CSMD2: variants seen among roughly 807,000 people sequenced by gnomAD.
The protein encoded by CSMD2 is CUB and sushi domain-containing protein 2.
In CSMD2, 130 loss-of-function variants were observed where a neutral mutation model predicts 398.5. That is an observed-to-expected ratio of 0.33 (90% confidence interval 0.28 to 0.38). CSMD2 has a LOEUF of 0.38. Ranked by LOEUF, CSMD2 falls within the 10% of genes least tolerant of loss-of-function variation. The probability of loss-of-function intolerance (pLI) is 1.00; values close to 1 mark genes in which losing one functional copy is unlikely to be tolerated. For missense variants in CSMD2, 3,829 were observed against 4,764.9 expected, an observed-to-expected ratio of 0.80 and a Z score of 5.78; for synonymous variants, 1,828 against 1,908.5, an observed-to-expected ratio of 0.96 and a Z score of 1.10.
chr1:34,064,084 C>T (rs971900556), intron 2 of CSMD2, among the ~76,000 whole-genome samples: 1 of 152,162 alleles, frequency 6.6e-6, no homozygotes, highest in Non-Finnish European at 1.5e-5. Flanking sequence ...TGGGCCCAGC[C>T]CACAAAACCA....
At chr1:33,528,015 C>A (rs1388175246) in intron 64 of CSMD2, among the ~76,000 whole-genome samples, 16 of 151,080 alleles carry the variant, frequency 1.1e-4, no homozygotes. Context: ...GAAGGAAGAA[C>A]TTCTACCCAT....
At chr1:34,045,078 CCCCT>C (rs1652356081) in intron 2 of CSMD2, among the ~76,000 whole-genome samples, 1 of 149,352 alleles carries the variant, frequency 6.7e-6, no homozygotes, top group African/African-American at 2.5e-5. Context: ...CACACACACA[CCCCT>C]ACAAACACAG....
intron 48 of CSMD2, among the ~76,000 whole-genome samples, chr1:33,580,264 C>T (rs1638598612): frequency 6.6e-6 from 1 of 152,146 alleles, no homozygotes; most frequent in Admixed American, 6.5e-5. Flanking sequence ...TCATTATATT[C>T]CCAGGATTAT....
chr1:34,144,612 C>G (rs922540115), intron 1 of CSMD2, among the ~76,000 whole-genome samples: 1 of 152,206 alleles, frequency 6.6e-6, no homozygotes, highest in Admixed American at 6.5e-5. Flanking sequence ...TGCCACATAT[C>G]CAAAGCCATG....
At chr1:33,817,174 T>C (rs1223805546) in intron 9 of CSMD2, among the ~76,000 whole-genome samples, 2 of 152,172 alleles carry the variant, frequency 1.3e-5, no homozygotes, top group Non-Finnish European at 2.9e-5. Context: ...CTAATATCTA[T>C]CTCAGCCCTG....
chr1:33,623,532 C>T, intron 35 of CSMD2, 66 bp from the exon 36 acceptor site: 3 of 1,088,172 alleles, frequency 2.8e-6, no homozygotes, highest in Non-Finnish European at 4.3e-6. Flanking sequence ...CTCTGCTTTC[C>T]CTTTCTGCCC....
At chr1:34,075,664 C>T (rs771554009) in intron 2 of CSMD2, among the ~76,000 whole-genome samples, 3 of 152,178 alleles carry the variant, frequency 2.0e-5, no homozygotes, top group Non-Finnish European at 2.9e-5. Context: ...CCCTATAAAC[C>T]CTCCAATATA....
At position 33,541,137 on chromosome 1, in the gene CSMD2, G is replaced by C. The variant is rs777622039; in HGVS notation, c.9450C>G (p.Val3150=). Reference sequence around the variant, plus strand: ...TTGCAGCCCCAGACACACCTTTGCAGACGGGCTTGGTTCCATTCCATGTCC... The same window carrying C: ...TTGCAGCCCCAGACACACCTTTGCACACGGGCTTGGTTCCATTCCATGTCC... The part of the protein sequence containing the change: ...KDRTWNGTKP[V]CKALMCKPPP... Residue 3150 remains valine (V), a synonymous_variant, in exon 59 of 71, where the codon GTC becomes GTG. Coordinates refer to ENST00000373381, the MANE Select transcript of CSMD2 (RefSeq NM_001281956.2). The C allele has an allele frequency of 1.2e-6, 2 of 1,613,914 alleles. No individual in the cohort carries two copies. The highest frequency in any genetic ancestry group is 1.7e-6 in the Non-Finnish European group (2 of 1,179,916).
chr1:33,824,945 T>A (rs1237352299), intron 7 of CSMD2, among the ~76,000 whole-genome samples: 1 of 152,096 alleles, frequency 6.6e-6, no homozygotes, highest in Non-Finnish European at 1.5e-5. Context: ...TCCCCTGCTT[T>A]TAAGCCCAGT....
At chr1:33,783,484 G>A (rs2149356687) in intron 12 of CSMD2, among the ~76,000 whole-genome samples, 1 of 147,238 alleles carries the variant, frequency 6.8e-6, no homozygotes, top group East Asian at 2.0e-4. Flanking sequence ...TCCTGTGTGT[G>A]CATGCACCCA....
rs745495781 is a variant in CSMD2 at position 33,665,460 on chromosome 1, C to CTTT, written c.4053-2371_4053-2369dup. Among the ~76,000 whole-genome samples the CTTT allele has an allele frequency of 4.4e-3, 322 of 73,932 alleles. 40 individuals are homozygous for CTTT. The highest frequency in any genetic ancestry group is 4.3e-3 in the African/African-American group (77 of 18,114). The allele number at this position is 73,932 out of a possible 152,430, so 48.5% of individuals were successfully genotyped here. A position where few individuals can be genotyped will look rare whatever the true frequency, so the allele number is the denominator to read the frequency against. ...GACTTGTATAGTTTCTTTCTTCTCT[C>CTTT]TTTTTTTTTTTTTTTTTTTTTTTTT... is the stretch of plus-strand genomic sequence containing the variant. On this transcript the variant is annotated intron_variant, in intron 25 of 70. Coordinates refer to ENST00000373381, the MANE Select transcript of CSMD2 (RefSeq NM_001281956.2).
intron 1 of CSMD2, among the ~76,000 whole-genome samples, chr1:34,112,026 C>T (rs1031892961): frequency 6.6e-6 from 1 of 151,860 alleles, no homozygotes; most frequent in South Asian, 2.1e-4. Flanking sequence ...CTCTTTCTCT[C>T]TCTTTCTCTC....
chr1:33,821,612 C>T (rs887253090), intron 7 of CSMD2, among the ~76,000 whole-genome samples: 1 of 152,230 alleles, frequency 6.6e-6, no homozygotes, highest in African/African-American at 2.4e-5. Flanking sequence ...CTCCATTACT[C>T]ACTCACCCAC....
At chr1:33,540,263 TA>T (rs138481254) in intron 60 of CSMD2, among the ~76,000 whole-genome samples, 94 of 145,800 alleles carry the variant, frequency 6.4e-4, no homozygotes, top group Middle Eastern at 3.5e-3. Flanking sequence ...ACCCTTCAGG[TA>T]AAAAAAAAAA....
chr1:33,829,337 T>A (rs561413904), intron 6 of CSMD2, among the ~76,000 whole-genome samples: 1 of 152,298 alleles, frequency 6.6e-6, no homozygotes, highest in African/African-American at 2.4e-5. Context: ...CCAGGAACAT[T>A]AGCATTTTTT....
intron 60 of CSMD2, 64 bp downstream of exon 60, chr1:33,540,461 C>T: frequency 6.4e-7 from 1 of 1,567,422 alleles, no homozygotes; most frequent in South Asian, 1.2e-5. Flanking sequence ...CCACAAAGCT[C>T]CGAGGAGGCA....
intron 24 of CSMD2, among the ~76,000 whole-genome samples, chr1:33,696,715 A>AGAT (rs1202324981): frequency 1.3e-5 from 2 of 152,052 alleles, no homozygotes; most frequent in African/African-American, 2.4e-5. Flanking sequence ...ATGGACAACT[A>AGAT]GATACCTTAC....
intron 10 of CSMD2, among the ~76,000 whole-genome samples, chr1:33,808,838 A>G (rs937605617): frequency 6.6e-6 from 1 of 151,996 alleles, no homozygotes; most frequent in African/African-American, 2.4e-5. Context: ...ACCACTGCCA[A>G]TACCAATTAA....
At chr1:33,602,577 A>G (rs755481752) in intron 42 of CSMD2, 31 bp from the exon 43 acceptor site, 29 of 1,538,634 alleles carry the variant, frequency 1.9e-5, no homozygotes, top group Middle Eastern at 1.9e-4. Flanking sequence ...ACGTAAGTGC[A>G]GGGCCTCGGT....
Sources: allele counts gnomAD v4.1 joint callset (sites outside exome capture counted in the v4.1 genomes callset), GRCh38; gene constraint gnomAD v4.1.1; transcripts MANE v1.5; gene names NCBI Gene and HGNC (gene_info 2026-07-23, HGNC 2026-07-21).